Variants in PRUNE2 observed in about 807,000 individuals in gnomAD.
PRUNE2 encodes protein prune homolog 2.
PRUNE2 carries 164 observed loss-of-function variants against 252.0 expected under a neutral mutation model. The ratio of observed to expected loss-of-function variants is 0.65; its 90% CI spans 0.57 to 0.74. The LOEUF (loss-of-function observed/expected upper bound fraction) is 0.74. Among genes scored for constraint, PRUNE2 ranks in the 30% least tolerant of loss-of-function variants. The pLI is 0.00. For synonymous variants in PRUNE2, 1,292 were observed against 1,350.2 expected (o/e 0.96, Z 0.94); for missense variants, 3,495 against 3,711.0 (o/e 0.94, Z 1.51).
At chr9:76,742,333 G>C (rs145414713) in intron 6 of PRUNE2, among the ~76,000 whole-genome samples, 50 of 152,260 alleles carry the variant, frequency 3.3e-4, no homozygotes, top group African/African-American at 1.1e-3. Context: ...AGAAAGTGAG[G>C]CTGGGCATGG....
rs763933264 is a variant in PRUNE2 at position 76,846,635 on chromosome 9, G to C, written c.388C>G (p.Pro130Ala). The C allele has an allele frequency of 6.2e-7, 1 of 1,614,042 alleles. No individual in the cohort carries two copies. The highest frequency in any genetic ancestry group is 8.5e-7 in the Non-Finnish European group (1 of 1,179,908). ...ACGTTGGCATCGCTCTGCTCAACCG[G>C]ATTAATGACTTTGACAACTGCTGAT... ...LESAVVKVIN[P>A]VEQSDANVEF... The change falls in exon 4 of 19, where the codon CCG becomes GCG. Residue 130 changes from proline to alanine, a missense_variant. Pro to Ala is a conservative substitution (Grantham distance 27, BLOSUM62 -1). Transcript: ENST00000376718.
intron 6 of PRUNE2, among the ~76,000 whole-genome samples, chr9:76,795,544 C>A (rs1382828313): frequency 6.6e-6 from 1 of 151,834 alleles, no homozygotes; most frequent in Non-Finnish European, 1.5e-5. Context: ...TTACTAATAG[C>A]CCCTGGGGGG....
rs1363574537 is a variant in PRUNE2, at chr9:76,713,655, C to T, written c.823G>A (p.Val275Ile). ...KAFTDKFGFD[V>I]LILFSSYLSE... ...AGATAGCTGGAGAACAGGATGAGGACATCAAAACCAAACTTGTCTGTAAAT... is the reference window on the plus strand; with the variant it reads ...AGATAGCTGGAGAACAGGATGAGGATATCAAAACCAAACTTGTCTGTAAAT... Residue 275 changes from valine (V) to isoleucine (I), a missense_variant, in exon 7 of 19, where the codon GTC becomes ATC. Physicochemically the swap from Val to Ile is conservative, Grantham distance 29. Coordinates refer to ENST00000376718, the MANE Select transcript of PRUNE2 (RefSeq NM_015225.3). 6.2e-7 allele frequency: 1 copy of T among 1,600,694 alleles called. No homozygotes were observed. Among genetic ancestry groups the T allele is most frequent in the Non-Finnish European group, 8.5e-7 (1 of 1,173,284 alleles).
intron 15 of PRUNE2, among the ~76,000 whole-genome samples, chr9:76,631,409 G>C (rs142533792): frequency 9.2e-5 from 14 of 152,146 alleles, no homozygotes; most frequent in African/African-American, 3.4e-4. Context: ...GGCCAATCCT[G>C]CTAATCCTTT....
chr9:76,782,341 C>G (rs1328216574), intron 6 of PRUNE2, among the ~76,000 whole-genome samples: 1 of 152,182 alleles, frequency 6.6e-6, no homozygotes, highest in Non-Finnish European at 1.5e-5. Context: ...TGGGGAGGAA[C>G]AGTCAGCATT....
intron 6 of PRUNE2, among the ~76,000 whole-genome samples, chr9:76,726,322 G>A (rs999730214): frequency 1.3e-5 from 2 of 152,222 alleles, no homozygotes; most frequent in African/African-American, 2.4e-5. Flanking sequence ...TCCTAGAAGA[G>A]GGATGCTGAG....
In PRUNE2 at chr9:76,614,726, A is replaced by C. The variant is rs569986637; in HGVS notation, c.9237-126T>G. The C allele has an allele frequency of 2.7e-5, 19 of 703,510 alleles. 1 individual carries two copies. In the South Asian group the frequency reaches 3.4e-4, roughly 13 times the overall value. The allele number at this position is 703,510 out of a possible 1,614,324, so 43.6% of individuals were successfully genotyped here. On this transcript the variant is annotated intron_variant, in intron 18 of 18. Coordinates refer to ENST00000376718, the MANE Select transcript of PRUNE2 (RefSeq NM_015225.3). ...ATACTGAAAATATTTAAATCATGCA[A>C]GTTTCTTATAATAGAAAAATCTGGT...
At chr9:76,742,045 T>G (rs150058340) in intron 6 of PRUNE2, among the ~76,000 whole-genome samples, 157 of 152,248 alleles carry the variant, frequency 1.0e-3, no homozygotes, top group African/African-American at 3.6e-3. Flanking sequence ...GAATTAGAGA[T>G]CTAAACGTAA....
At chr9:76,781,869 G>C (rs1044429736) in intron 6 of PRUNE2, among the ~76,000 whole-genome samples, 2 of 152,174 alleles carry the variant, frequency 1.3e-5, no homozygotes, top group Admixed American at 1.3e-4. Context: ...AATGAATGGA[G>C]ATGTTGGAGT....
rs1847877317 is a variant in PRUNE2, at chr9:76,652,660, T to C, written c.8380A>G (p.Asn2794Asp). 6.2e-7 allele frequency: 1 copy of C among 1,611,870 alleles called. No homozygotes were observed. ...RPEPPNSLDLNDTHPRRIKLT... is the reference protein window; with the variant it reads ...RPEPPNSLDLDDTHPRRIKLT... ...TTGATTCTCCGAGGATGAGTGTCATTAAGATCCAGAGAATTAGGAGGTTCT... is the reference window on the plus strand; with the variant it reads ...TTGATTCTCCGAGGATGAGTGTCATCAAGATCCAGAGAATTAGGAGGTTCT... Residue 2794 changes from asparagine (N) to aspartate (D), a missense_variant, in exon 11 of 19, where the codon AAT becomes GAT. By Grantham distance (23) the Asn-to-Asp change is conservative. Transcript: ENST00000376718.
chr9:76,837,652 T>A (rs576792668), intron 4 of PRUNE2, among the ~76,000 whole-genome samples: 1 of 151,806 alleles, frequency 6.6e-6, no homozygotes, highest in Non-Finnish European at 1.5e-5. Context: ...CTTAGTTGTA[T>A]CTTTTTAAAA....
chr9:76,838,481 C>T (rs923817967), intron 4 of PRUNE2, among the ~76,000 whole-genome samples: 2 of 151,672 alleles, frequency 1.3e-5, no homozygotes, highest in Non-Finnish European at 2.9e-5. Flanking sequence ...CCCATCTCTA[C>T]TAAAAACACA....
At chr9:76,820,131 T>C (rs1019737029) in intron 6 of PRUNE2, among the ~76,000 whole-genome samples, 1 of 152,144 alleles carries the variant, frequency 6.6e-6, no homozygotes, top group African/African-American at 2.4e-5. Flanking sequence ...GCAGTTATCT[T>C]TTCCCACAGT....
intron 4 of PRUNE2, among the ~76,000 whole-genome samples, chr9:76,837,243 A>T (rs1390939174): frequency 6.6e-6 from 1 of 152,004 alleles, no homozygotes; most frequent in Non-Finnish European, 1.5e-5. Flanking sequence ...AGCGATTGAG[A>T]CCATCCTGGC....
At chr9:76,843,924 C>T (rs2059536225) in intron 4 of PRUNE2, among the ~76,000 whole-genome samples, 1 of 152,076 alleles carries the variant, frequency 6.6e-6, no homozygotes, top group Non-Finnish European at 1.5e-5. Flanking sequence ...GACGAGGTTT[C>T]ACCATGTTGG....
chr9:76,687,769 A>G, intron 9 of PRUNE2: 1 of 212,486 alleles, frequency 4.7e-6, no homozygotes. Flanking sequence ...AGAGAATTTA[A>G]AATCTAGGAG....
At chr9:76,619,780 A>G (rs578170434) in intron 17 of PRUNE2, among the ~76,000 whole-genome samples, 9 of 152,334 alleles carry the variant, frequency 5.9e-5, no homozygotes, top group Admixed American at 3.3e-4. Flanking sequence ...GAACACAGTT[A>G]ATTTTCAGTT....
chr9:76,854,301 T>TA, intron 1 of PRUNE2, 93 bp from the exon 2 acceptor site: 1 of 568,412 alleles, frequency 1.8e-6, no homozygotes, highest in South Asian at 3.4e-5. Context: ...GCCTTATCCA[T>TA]ATTGATACAC....
intron 14 of PRUNE2, 48 bp from the exon 15 acceptor site, chr9:76,636,605 G>T: frequency 1.0e-6 from 1 of 975,730 alleles, no homozygotes; most frequent in Non-Finnish European, 1.6e-6. Context: ...CCCATTTTCA[G>T]TGGGAATTAA....
Sources: allele counts gnomAD v4.1 joint callset (sites outside exome capture counted in the v4.1 genomes callset), GRCh38; gene constraint gnomAD v4.1.1; transcripts MANE v1.5; gene names NCBI Gene and HGNC (gene_info 2026-07-23, HGNC 2026-07-21).